Variants in SPOP observed in about 807,000 individuals in gnomAD.
The protein encoded by SPOP is speckle-type POZ protein.
SPOP carries 11 observed loss-of-function variants against 45.6 expected under a neutral mutation model. The observed-to-expected ratio is 0.24, with a 90% CI of 0.15 to 0.40. The LOEUF (loss-of-function observed/expected upper bound fraction) is 0.40. SPOP is among the 10% of genes least tolerant of loss of function. The probability of loss-of-function intolerance (pLI) is 1.00; values close to 1 mark genes in which losing one functional copy is unlikely to be tolerated. For missense variants in SPOP, 152 were observed against 465.6 expected, an observed-to-expected ratio of 0.33 and a Z score of 6.20; for synonymous variants, 166 against 166.3, an observed-to-expected ratio of 1.00 and a Z score of 0.01.
intron 1 of SPOP, among the ~76,000 whole-genome samples, chr17:49,657,085 T>C (rs893682721): frequency 2.0e-5 from 3 of 151,590 alleles, no homozygotes; most frequent in Non-Finnish European, 2.9e-5. Flanking sequence ...CTTGGGAGGC[T>C]GAGGCAGGAG....
At chr17:49,609,090 G>A (rs1008819978) in intron 6 of SPOP, among the ~76,000 whole-genome samples, 1 of 152,116 alleles carries the variant, frequency 6.6e-6, no homozygotes, top group Non-Finnish European at 1.5e-5. Flanking sequence ...TGTATTTTTA[G>A]TAGAGATGGG....
intron 1 of SPOP, among the ~76,000 whole-genome samples, chr17:49,663,509 T>C (rs2073015370): frequency 6.6e-6 from 1 of 152,246 alleles, no homozygotes; most frequent in African/African-American, 2.4e-5. Context: ...AAACAATTGC[T>C]TGCACTTAAG....
chr17:49,605,558 T>C (rs928226002), intron 8 of SPOP, among the ~76,000 whole-genome samples: 16 of 150,720 alleles, frequency 1.1e-4, no homozygotes, highest in Admixed American at 4.0e-4. Context: ...GGTGTGGTGG[T>C]GCATGCCTGT....
intron 1 of SPOP, among the ~76,000 whole-genome samples, chr17:49,673,509 A>AAAAAT (rs1227331855): frequency 2.0e-4 from 30 of 152,156 alleles, no homozygotes; most frequent in Non-Finnish European, 1.5e-4. Flanking sequence ...CTGTCTCAGA[A>AAAAAT]AAAATAAAAT....
At chr17:49,650,667 A>G (rs2072831371) in intron 1 of SPOP, among the ~76,000 whole-genome samples, 1 of 152,236 alleles carries the variant, frequency 6.6e-6, no homozygotes, top group African/African-American at 2.4e-5. Flanking sequence ...TCTAAGTAAT[A>G]CCAGCAATTT....
chr17:49,673,375 G>A (rs929137347), intron 1 of SPOP, among the ~76,000 whole-genome samples: 4 of 151,652 alleles, frequency 2.6e-5, no homozygotes, highest in Admixed American at 2.0e-4. Flanking sequence ...GCGTGGTGGC[G>A]GGCGCCTGTA....
chr17:49,665,936 G>A (rs929033884), intron 1 of SPOP, among the ~76,000 whole-genome samples: 3 of 146,200 alleles, frequency 2.1e-5, no homozygotes, highest in Non-Finnish European at 3.0e-5. Context: ...GTGAGATAGC[G>A]CCACTGCACT....
At chr17:49,615,394 G>C (rs1050740529) in intron 5 of SPOP, among the ~76,000 whole-genome samples, 8 of 152,102 alleles carry the variant, frequency 5.3e-5, no homozygotes, top group Non-Finnish European at 1.0e-4. Context: ...TTGGAGAAAA[G>C]GGTCAATAGA....
intron 1 of SPOP, among the ~76,000 whole-genome samples, chr17:49,656,268 A>ACT: frequency 6.6e-6 from 1 of 152,224 alleles, no homozygotes; most frequent in Non-Finnish European, 1.5e-5. Flanking sequence ...ATATTTAAGT[A>ACT]TTGGGAAGAT....
chr17:49,617,665 T>A (rs1196486813), intron 5 of SPOP, among the ~76,000 whole-genome samples: 1 of 152,154 alleles, frequency 6.6e-6, no homozygotes, highest in Non-Finnish European at 1.5e-5. Flanking sequence ...GGCTCACATC[T>A]GTAATCCCAA....
At chr17:49,657,565 A>G (rs1048615318) in intron 1 of SPOP, among the ~76,000 whole-genome samples, 12 of 150,896 alleles carry the variant, frequency 8.0e-5, no homozygotes, top group East Asian at 2.0e-4. Flanking sequence ...CGCCCAGCTA[A>G]TTTTTGTATT....
intron 5 of SPOP, among the ~76,000 whole-genome samples, chr17:49,617,071 G>A (rs577544604): frequency 1.3e-5 from 2 of 152,294 alleles, no homozygotes; most frequent in African/African-American, 4.8e-5. Flanking sequence ...ACAGGGGTTG[G>A]AGCAGCTGGA....
intron 1 of SPOP, among the ~76,000 whole-genome samples, chr17:49,633,060 CTG>C (rs1567786408): frequency 6.6e-6 from 1 of 152,136 alleles, no homozygotes; most frequent in African/African-American, 2.4e-5. Flanking sequence ...TACTTTGTAA[CTG>C]TTGTATATAA....
intron 5 of SPOP, among the ~76,000 whole-genome samples, chr17:49,616,894 G>A (rs534471301): frequency 1.3e-5 from 2 of 152,360 alleles, no homozygotes; most frequent in East Asian, 3.9e-4. Context: ...TCCCATCTAA[G>A]TCAAGGCACA....
chr17:49,668,768 T>C (rs1258201555), intron 1 of SPOP, among the ~76,000 whole-genome samples: 1 of 151,206 alleles, frequency 6.6e-6, no homozygotes, highest in Non-Finnish European at 1.5e-5. Flanking sequence ...CTCATATATA[T>C]ACATATCTTT....
chr17:49,662,864 T>C (rs532749737), intron 1 of SPOP, among the ~76,000 whole-genome samples: 1 of 152,324 alleles, frequency 6.6e-6, no homozygotes, highest in African/African-American at 2.4e-5. Flanking sequence ...ACTTCAAGTA[T>C]TGACCTTTGT....
intron 1 of SPOP, among the ~76,000 whole-genome samples, chr17:49,635,747 A>G (rs995681691): frequency 5.6e-5 from 8 of 143,610 alleles, no homozygotes; most frequent in Non-Finnish European, 1.0e-4. Flanking sequence ...CAATTCTCCC[A>G]CCTCAGCCTC....
intron 8 of SPOP, among the ~76,000 whole-genome samples, chr17:49,603,417 G>A (rs2071776565): frequency 6.6e-6 from 1 of 152,090 alleles, no homozygotes; most frequent in Non-Finnish European, 1.5e-5. Context: ...GATCCCTATT[G>A]CATAATTAGA....
intron 1 of SPOP, among the ~76,000 whole-genome samples, chr17:49,625,972 A>C (rs1377999144): frequency 2.0e-5 from 3 of 152,234 alleles, no homozygotes; most frequent in Non-Finnish European, 4.4e-5. Context: ...CTTGGGTATA[A>C]ACTACTTTTT....
Sources: allele counts gnomAD v4.1 joint callset (sites outside exome capture counted in the v4.1 genomes callset), GRCh38; gene constraint gnomAD v4.1.1; transcripts MANE v1.5; gene names NCBI Gene and HGNC (gene_info 2026-07-23, HGNC 2026-07-21).